Variants in CCDC93 observed in about 807,000 individuals in gnomAD.
CCDC93 encodes the protein coiled-coil domain-containing protein 93.
In CCDC93, 61 loss-of-function variants were observed where a neutral mutation model predicts 108.2. The observed-to-expected ratio is 0.56, with a 90% CI of 0.46 to 0.70. The LOEUF (loss-of-function observed/expected upper bound fraction) is 0.70. Among genes scored for constraint, CCDC93 ranks in the 30% least tolerant of loss-of-function variants. The pLI, the probability that CCDC93 is intolerant of heterozygous loss-of-function variation, is 0.00. For synonymous variants in CCDC93, 276 were observed against 260.4 expected (o/e 1.06, Z -0.58); for missense variants, 685 against 764.2 (o/e 0.90, Z 1.22).
intron 23 of CCDC93, among the ~76,000 whole-genome samples, chr2:117,925,525 A>C (rs1486842249): frequency 6.6e-6 from 1 of 152,242 alleles, no homozygotes; most frequent in East Asian, 1.9e-4. Flanking sequence ...GACACAAAGA[A>C]GGCTATTACA....
chr2:118,009,502 C>T (rs1190973794), intron 1 of CCDC93, among the ~76,000 whole-genome samples: 2 of 152,112 alleles, frequency 1.3e-5, no homozygotes, highest in African/African-American at 4.8e-5. Flanking sequence ...AAAACCCCAC[C>T]TCTACTAAAA....
At chr2:118,004,322 A>G (rs1292319187) in intron 3 of CCDC93, among the ~76,000 whole-genome samples, 2 of 152,256 alleles carry the variant, frequency 1.3e-5, no homozygotes, top group African/African-American at 4.8e-5. Context: ...GCCTCTGGCC[A>G]TAGGACCCTC....
At position 117,936,436 on chromosome 2, in the gene CCDC93, T is replaced by C. The variant is rs1480319866; in HGVS notation, c.1643+266A>G. On this transcript the variant is annotated intron_variant, in intron 21 of 23. Coordinates refer to ENST00000376300, the MANE Select transcript of CCDC93 (RefSeq NM_019044.5). The stretch of plus-strand genomic sequence containing the variant: ...TTAATTTGATAACATACAGAGAGAT[T>C]TTAGTAGGTGGGTACAGTCAAAGTA... 3 of 397,184 alleles carry C rather than the reference T, an allele frequency of 7.6e-6. No homozygotes were observed. The East Asian group carries it at 1.1e-4, about 14-fold the overall frequency. The allele number at this position is 397,184 out of a possible 1,614,324, so 24.6% of individuals were successfully genotyped here.
intron 3 of CCDC93, among the ~76,000 whole-genome samples, chr2:118,003,446 CAACT>C (rs920234433): frequency 6.6e-6 from 1 of 152,168 alleles, no homozygotes; most frequent in African/African-American, 2.4e-5. Flanking sequence ...ATGCAGGTCC[CAACT>C]AACTATGCAG....
chr2:117,993,572 T>C (rs1291888299), intron 6 of CCDC93, among the ~76,000 whole-genome samples: 1 of 152,210 alleles, frequency 6.6e-6, no homozygotes, highest in African/African-American at 2.4e-5. Context: ...GCTGCTGGCC[T>C]AGCAATTTCC....
chr2:117,983,775 C>G (rs1680231962), intron 7 of CCDC93, among the ~76,000 whole-genome samples: 1 of 151,874 alleles, frequency 6.6e-6, no homozygotes, highest in African/African-American at 2.4e-5. Context: ...AAGGGAGAAG[C>G]CTTCCCAGGG....
Position 117,935,575 on chromosome 2 carries a change from T to C in CCDC93, c.1648A>G (p.Met550Val), listed in dbSNP as rs778643662. The change falls in exon 22 of 24, where the codon ATG becomes GTG. Residue 550 changes from methionine (M) to valine (V), a missense_variant. By Grantham distance (21) the Met-to-Val change is conservative. Transcript: ENST00000376300. Reference protein sequence around the residue: ...NSIHENFSQAMASPAARDQFL... With the variant: ...NSIHENFSQAVASPAARDQFL... ...TGGTCCCGGGCAGCAGGGGAGGCCA[T>C]GGCCCTGAAAGAAAAACCAGTAGAG... 4 of 1,613,280 alleles carry C rather than the reference T, an allele frequency of 2.5e-6. No homozygotes were observed. The highest frequency in any genetic ancestry group is 1.7e-5 in the Admixed American group (1 of 60,016).
At chr2:117,963,287 A>AT (rs1332757867) in intron 11 of CCDC93, among the ~76,000 whole-genome samples, 1 of 152,192 alleles carries the variant, frequency 6.6e-6, no homozygotes, top group Non-Finnish European at 1.5e-5. Context: ...AAGCATGCCC[A>AT]TTCCTCCCTA....
chr2:118,011,573 G>A (rs1677022482), intron 1 of CCDC93, among the ~76,000 whole-genome samples: 1 of 152,072 alleles, frequency 6.6e-6, no homozygotes, highest in South Asian at 2.1e-4. Flanking sequence ...AAAAGAAAAT[G>A]AGATAATATA....
intron 6 of CCDC93, among the ~76,000 whole-genome samples, chr2:117,988,989 T>C (rs1452103983): frequency 6.6e-6 from 1 of 152,218 alleles, no homozygotes; most frequent in Non-Finnish European, 1.5e-5. Context: ...CTGAGGGTTA[T>C]ATAAATGAGC....
chr2:117,970,701 G>A (rs1169251279), intron 11 of CCDC93, among the ~76,000 whole-genome samples: 2 of 152,104 alleles, frequency 1.3e-5, no homozygotes, highest in Non-Finnish European at 2.9e-5. Flanking sequence ...TAGTTACATG[G>A]TACTGGATGA....
chr2:117,957,627 A>G (rs1214575397), intron 12 of CCDC93, among the ~76,000 whole-genome samples: 1 of 152,160 alleles, frequency 6.6e-6, no homozygotes, highest in Admixed American at 6.5e-5. Flanking sequence ...TGTCCTTAAC[A>G]TGGCTTGGAT....
chr2:117,986,311 C>T (rs1344843960), intron 6 of CCDC93, among the ~76,000 whole-genome samples: 3 of 152,028 alleles, frequency 2.0e-5, no homozygotes, highest in African/African-American at 7.2e-5. Context: ...ATATCCTAAA[C>T]GAAATACGTG....
chr2:117,959,174 T>A (rs1314177900), intron 11 of CCDC93, among the ~76,000 whole-genome samples: 1 of 152,142 alleles, frequency 6.6e-6, no homozygotes, highest in Non-Finnish European at 1.5e-5. Context: ...GGAGGGCAAA[T>A]GGCCATTCCT....
intron 3 of CCDC93, 70 bp from the exon 4 acceptor site, chr2:118,001,002 G>GAT: frequency 4.3e-6 from 4 of 926,320 alleles, no homozygotes; most frequent in Non-Finnish European, 7.1e-6. Flanking sequence ...CTAAAGTCTG[G>GAT]GCAGCATCAC....
chr2:117,945,460 A>G, intron 17 of CCDC93, 69 bp downstream of exon 17: 1 of 1,269,584 alleles, frequency 7.9e-7, no homozygotes, highest in South Asian at 1.2e-5. Context: ...AGAAGCCATC[A>G]CAGGAGAGTG....
At chr2:117,939,278 A>G (rs1678622131) in intron 19 of CCDC93, among the ~76,000 whole-genome samples, 167 bp from the exon 20 acceptor site, 1 of 152,198 alleles carries the variant, frequency 6.6e-6, no homozygotes, top group South Asian at 2.1e-4. Context: ...GCTTTTAACA[A>G]GTCTCAGGAC....
chr2:117,966,765 A>G (rs989366478), intron 11 of CCDC93, among the ~76,000 whole-genome samples: 1 of 152,260 alleles, frequency 6.6e-6, no homozygotes, highest in Non-Finnish European at 1.5e-5. Flanking sequence ...CTCTGGAAAG[A>G]TATGACTTCA....
chr2:117,958,733 G>T (rs551297992), intron 11 of CCDC93, among the ~76,000 whole-genome samples: 4 of 152,146 alleles, frequency 2.6e-5, no homozygotes, highest in Non-Finnish European at 4.4e-5. Context: ...ACATAACTGT[G>T]GTTATGTCAA....
Sources: gnomAD v4.1 joint callset for allele counts (sites outside exome capture counted in the v4.1 genomes callset) on GRCh38, gnomAD v4.1.1 for gene constraint, MANE v1.5 for transcripts, NCBI Gene and HGNC (gene_info 2026-07-23, HGNC 2026-07-21) for gene names.